The following GOT2 variants were observed in gnomAD, a reference collection of about 807,000 sequenced individuals.
GOT2 encodes the protein aspartate aminotransferase, mitochondrial.
A neutral mutation model predicts 50.0 loss-of-function variants in GOT2; 17 were observed. The ratio of observed to expected loss-of-function variants is 0.34; its 90% CI spans 0.23 to 0.51. The LOEUF (loss-of-function observed/expected upper bound fraction) is 0.51, where lower values mean the gene tolerates loss of function less well. Among genes scored for constraint, GOT2 ranks in the 20% least tolerant of loss-of-function variants. The pLI is 0.97. For missense variants in GOT2, 430 were observed against 559.6 expected (o/e 0.77, Z 2.34); for synonymous variants, 172 against 204.9 (o/e 0.84, Z 1.37).
rs867626398 is a variant in GOT2, at chr16:58,716,620, T to G, written c.853+43A>C. ...AGCTCTATGCCCTCGTGGCATTCTCTCCCAGCATGAGAGCATGTGTCATGC... is the reference window on the plus strand; with the variant it reads ...AGCTCTATGCCCTCGTGGCATTCTCGCCCAGCATGAGAGCATGTGTCATGC... On this transcript the variant is annotated intron_variant, in intron 7 of 9. Coordinates refer to ENST00000245206, the MANE Select transcript of GOT2 (RefSeq NM_002080.4). 3.2e-6 allele frequency: 5 copies of G among 1,585,118 alleles called. No individual in the cohort carries two copies. The South Asian group carries it at 5.6e-5, about 18-fold the overall frequency.
intron 5 of GOT2, 54 bp downstream of exon 5, chr16:58,718,473 T>C: frequency 4.7e-6 from 7 of 1,497,578 alleles, no homozygotes; most frequent in East Asian, 2.3e-5. Flanking sequence ...AGACATCAAA[T>C]GTCCGCAAGC....
At chr16:58,722,631 A>C (rs2044751435) in intron 2 of GOT2, among the ~76,000 whole-genome samples, 1 of 152,110 alleles carries the variant, frequency 6.6e-6, no homozygotes. Flanking sequence ...CGGCCTCCTA[A>C]AGTGCTGGGA....
chr16:58,711,708 C>T (rs2044650122), intron 8 of GOT2, among the ~76,000 whole-genome samples: 1 of 152,160 alleles, frequency 6.6e-6, no homozygotes, highest in South Asian at 2.1e-4. Flanking sequence ...CTGAGGAGCC[C>T]CTGGCCCCTC....
At chr16:58,710,984 AAAAAG>A (rs2044643261) in intron 8 of GOT2, among the ~76,000 whole-genome samples, 1 of 151,508 alleles carries the variant, frequency 6.6e-6, no homozygotes, top group Non-Finnish European at 1.5e-5. Flanking sequence ...AAAAAAAAAA[AAAAAG>A]AAAAGTGAAT....
chr16:58,733,469 G>T (rs1006539840), intron 1 of GOT2, among the ~76,000 whole-genome samples: 3 of 151,922 alleles, frequency 2.0e-5, no homozygotes, highest in African/African-American at 7.3e-5. Flanking sequence ...CTCCTTAGGG[G>T]CAATAAGGAA....
chr16:58,732,660 G>C (rs752027386), intron 1 of GOT2, among the ~76,000 whole-genome samples: 1 of 152,226 alleles, frequency 6.6e-6, no homozygotes. Flanking sequence ...GAAAAATACA[G>C]AAAAGAAAAA....
chr16:58,729,467 C>G (rs545091366), intron 1 of GOT2, among the ~76,000 whole-genome samples: 75 of 149,270 alleles, frequency 5.0e-4, no homozygotes, highest in Non-Finnish European at 9.8e-4. Flanking sequence ...TTGAGACAAG[C>G]CTGGGCTACA....
intron 4 of GOT2, 117 bp from the exon 5 acceptor site, chr16:58,718,805 G>A: frequency 1.2e-6 from 1 of 822,330 alleles, no homozygotes. Flanking sequence ...CTCTATGGTT[G>A]AGAAGCAGTA....
Position 58,708,020 on chromosome 16 carries a change from T to G in GOT2, c.*151A>C. On this transcript the variant is annotated 3_prime_UTR_variant, in exon 10 of 10. Transcript: ENST00000245206. ...CCCTGTGTCACTACATGTTCTTTTC[T>G]GAGAAACATTCAAATGCTGAGTGTT... The G allele has an allele frequency of 1.4e-6, 1 of 709,556 alleles. No individual in the cohort carries two copies. Among genetic ancestry groups the G allele is most frequent in the Non-Finnish European group, 2.2e-6 (1 of 450,626 alleles). 44.0% of individuals were successfully genotyped at this position (709,556 alleles called of 1,614,324 possible).
intron 1 of GOT2, chr16:58,733,783 A>C: frequency 4.8e-6 from 1 of 209,826 alleles, no homozygotes; most frequent in Non-Finnish European, 9.5e-6. Flanking sequence ...TATCAAGGGC[A>C]CGGTCGTTAC....
At chr16:58,709,249 C>G (rs752806173) in intron 9 of GOT2, 168 bp downstream of exon 9, 3 of 631,676 alleles carry the variant, frequency 4.7e-6, no homozygotes, top group African/African-American at 3.7e-5. Flanking sequence ...GGTTTCAGAG[C>G]GAGACTGTCT....
chr16:58,726,751 A>C (rs2044788353), intron 1 of GOT2, among the ~76,000 whole-genome samples: 1 of 150,104 alleles, frequency 6.7e-6, no homozygotes, highest in South Asian at 2.1e-4. Context: ...GCCTCCCAAA[A>C]TGCTAGGATT....
intron 1 of GOT2, among the ~76,000 whole-genome samples, chr16:58,725,394 C>T (rs905840371): frequency 4.6e-5 from 7 of 152,208 alleles, no homozygotes; most frequent in East Asian, 1.9e-4. Flanking sequence ...GGATTACAGG[C>T]GTGAGCCACT....
At chr16:58,710,967 C>CAA (rs35679170) in intron 8 of GOT2, among the ~76,000 whole-genome samples, 2,078 of 72,874 alleles carry the variant, frequency 0.029, 40 homozygotes, top group African/African-American at 0.061. Flanking sequence ...GACTCTGTCT[C>CAA]AAAAAAAAAA....
chr16:58,731,543 A>G (rs2044835138), intron 1 of GOT2, among the ~76,000 whole-genome samples: 1 of 152,268 alleles, frequency 6.6e-6, no homozygotes, highest in African/African-American at 2.4e-5. Flanking sequence ...GTAAATAATC[A>G]GAATTAAATA....
chr16:58,716,143 T>C lies in GOT2; in HGVS notation c.890A>G (p.Asp297Gly), dbSNP rs1459570828. Residue 297 changes from aspartate to glycine, a missense_variant, in exon 8 of 10, where the codon GAT becomes GGT. Transcript: ENST00000245206. ...RVGAFTMVCK[D>G]ADEAKRVESQ... ...CTCTACCCTTTTGGCTTCATCCGCATCTTTGCAGACCATAGTGAAGGCTCC... is the reference window on the plus strand; with the variant it reads ...CTCTACCCTTTTGGCTTCATCCGCACCTTTGCAGACCATAGTGAAGGCTCC... The C allele has an allele frequency of 1.9e-6, 3 of 1,614,028 alleles. No individual in the cohort carries two copies. Among genetic ancestry groups the C allele is most frequent in the Admixed American group, 1.7e-5 (1 of 59,978 alleles).
At chr16:58,719,276 G>T in intron 3 of GOT2, 21 bp from the exon 4 acceptor site, 1 of 1,581,902 alleles carries the variant, frequency 6.3e-7, no homozygotes, top group Non-Finnish European at 8.7e-7. Flanking sequence ...GATACCCACG[G>T]TCAGTGATGT....
At chr16:58,709,816 C>T (rs76058936) in intron 8 of GOT2, among the ~76,000 whole-genome samples, 2,933 of 152,264 alleles carry the variant, frequency 0.019, 87 homozygotes, top group African/African-American at 0.067. Context: ...CCTTGACTTA[C>T]AACTTTTCAA....
rs1221274554 is a variant in GOT2 at position 58,718,510 on chromosome 16, C to G, written c.597+17G>C. On this transcript the variant is annotated intron_variant, in intron 5 of 9. Coordinates refer to ENST00000245206, the MANE Select transcript of GOT2 (RefSeq NM_002080.4). ...AGGAGTTTTATTCACCTCTCTCACC[C>G]TGAAAGCCACACTTACTGAAATATC... 4 of 1,560,338 alleles carry G rather than the reference C, an allele frequency of 2.6e-6. No homozygotes were observed. The highest frequency in any genetic ancestry group is 2.6e-6 in the Non-Finnish European group (3 of 1,154,458).
Sources: allele counts gnomAD v4.1 joint callset (sites outside exome capture counted in the v4.1 genomes callset), GRCh38; gene constraint gnomAD v4.1.1; transcripts MANE v1.5; gene names NCBI Gene and HGNC (gene_info 2026-07-23, HGNC 2026-07-21).